The following C9orf85 variants were observed in gnomAD, a reference collection of about 807,000 sequenced individuals.
C9orf85 encodes the protein uncharacterized protein C9orf85.
In C9orf85, 16 loss-of-function variants were observed where a neutral mutation model predicts 14.9. The observed-to-expected ratio is 1.08, with a 90% CI of 0.73 to 1.63. C9orf85 has a LOEUF of 1.63. Ranked by LOEUF, C9orf85 falls within the 40% of genes most tolerant of loss-of-function variation. The pLI is 0.00. For missense variants in C9orf85, 172 were observed against 186.1 expected, an observed-to-expected ratio of 0.92 and a Z score of 0.44; for synonymous variants, 45 against 56.8, an observed-to-expected ratio of 0.79 and a Z score of 0.93.
chr9:71,963,583 G>A (rs1170999904), intron 2 of C9orf85, among the ~76,000 whole-genome samples: 3 of 152,222 alleles, frequency 2.0e-5, no homozygotes, highest in Non-Finnish European at 4.4e-5. Context: ...GGCGCTTGCG[G>A]GCCAGCTGGA....
At chr9:71,974,332 C>T (rs1320763821), downstream of C9orf85, among the ~76,000 whole-genome samples, 1 of 151,662 alleles carries the variant, frequency 6.6e-6, no homozygotes, top group Non-Finnish European at 1.5e-5. Context: ...CAGCCTCCAC[C>T]TCCCGGGTTC....
In C9orf85 at chr9:71,973,004, G is replaced by T. The variant is rs558293098; in HGVS notation, c.*162G>T. The T allele has an allele frequency of 1.0e-5, 4 of 383,340 alleles. No homozygotes were observed. The highest frequency in any genetic ancestry group is 8.9e-4 in the Middle Eastern group (1 of 1,124). 23.7% of individuals were successfully genotyped at this position (383,340 alleles called of 1,614,324 possible). A position where few individuals can be genotyped will look rare whatever the true frequency, so the allele number is the denominator to read the frequency against. On this transcript the variant is annotated 3_prime_UTR_variant, in exon 4 of 4. Transcript: ENST00000334731. ...ACTAAAAGTACAAAAAATTAGCTGGGCGTGGTGGCTCATGCCTGTAATCCC... is the reference window on the plus strand; with the variant it reads ...ACTAAAAGTACAAAAAATTAGCTGGTCGTGGTGGCTCATGCCTGTAATCCC...
chr9:71,930,260 A>T (rs1828039427), intron 1 of C9orf85, among the ~76,000 whole-genome samples: 1 of 152,126 alleles, frequency 6.6e-6, no homozygotes, highest in South Asian at 2.1e-4. Flanking sequence ...AAGAACATTG[A>T]CCAGAAACAT....
intron 1 of C9orf85, among the ~76,000 whole-genome samples, chr9:71,937,619 A>G (rs1481971962): frequency 4.6e-5 from 7 of 152,198 alleles, no homozygotes; most frequent in Non-Finnish European, 5.9e-5. Flanking sequence ...TTTCTAGTAT[A>G]TACTTTCACT....
chr9:71,980,880 C>T (rs1375394134), intron 3 of C9orf85, among the ~76,000 whole-genome samples: 1 of 152,192 alleles, frequency 6.6e-6, no homozygotes, highest in Non-Finnish European at 1.5e-5. Context: ...ACAAGACTTA[C>T]TGAAACAAAC....
intron 2 of C9orf85, among the ~76,000 whole-genome samples, chr9:71,950,601 A>G (rs1822219836): frequency 6.6e-6 from 1 of 152,098 alleles, no homozygotes; most frequent in Non-Finnish European, 1.5e-5. Flanking sequence ...TGAACTCTTG[A>G]CCTCATGATC....
intron 2 of C9orf85, among the ~76,000 whole-genome samples, chr9:71,959,364 C>G (rs1015646013): frequency 6.6e-6 from 1 of 151,886 alleles, no homozygotes; most frequent in South Asian, 2.1e-4. Flanking sequence ...CTCAAACTCC[C>G]GACCTCAGAT....
chr9:71,978,825 A>G (rs1296864806), intron 3 of C9orf85, among the ~76,000 whole-genome samples: 1 of 152,174 alleles, frequency 6.6e-6, no homozygotes, highest in African/African-American at 2.4e-5. Context: ...CACAAGGTCA[A>G]GAGATCTAGA....
chr9:71,984,580 G>T (rs1823175204), downstream of C9orf85: 1 of 152,298 alleles, frequency 6.6e-6, no homozygotes, highest in Non-Finnish European at 1.5e-5. Context: ...AGCAGGCAAA[G>T]GTCCAAGCTG....
chr9:71,974,440 C>T (rs1052048301), downstream of C9orf85, among the ~76,000 whole-genome samples: 5 of 151,922 alleles, frequency 3.3e-5, no homozygotes, highest in Admixed American at 1.3e-4. Flanking sequence ...GACGAAGTTT[C>T]ACCATGTTGG....
chr9:71,922,855 C>T (rs1298167163), intron 1 of C9orf85, among the ~76,000 whole-genome samples: 3 of 152,020 alleles, frequency 2.0e-5, no homozygotes, highest in African/African-American at 7.3e-5. Context: ...CTGGGCCAGG[C>T]GTCATGGCTC....
At chr9:71,977,650 C>T (rs1313433015), downstream of C9orf85, among the ~76,000 whole-genome samples, 1 of 152,198 alleles carries the variant, frequency 6.6e-6, no homozygotes, top group East Asian at 1.9e-4. Flanking sequence ...ACCTTTAACA[C>T]ATCTTTGTCC....
downstream of C9orf85, among the ~76,000 whole-genome samples, chr9:71,975,584 G>A (rs748402803): frequency 6.6e-5 from 10 of 152,204 alleles, no homozygotes; most frequent in Non-Finnish European, 1.3e-4. Context: ...TGTAATCCTA[G>A]CACTTTTGGA....
At chr9:71,915,621 G>A (rs1239621459) in intron 1 of C9orf85, among the ~76,000 whole-genome samples, 2 of 152,180 alleles carry the variant, frequency 1.3e-5, no homozygotes, top group African/African-American at 4.8e-5. Flanking sequence ...TGAAACAATA[G>A]AGAAGTATAT....
At chr9:71,983,433 A>G (rs1028986301), downstream of C9orf85, 6 of 152,256 alleles carry the variant, frequency 3.9e-5, no homozygotes, top group Admixed American at 1.3e-4. Context: ...TATTCTAGAT[A>G]CAAGTCCTTT....
chr9:71,925,061 T>TA (rs920174221), intron 1 of C9orf85, among the ~76,000 whole-genome samples: 31 of 151,906 alleles, frequency 2.0e-4, no homozygotes, highest in African/African-American at 7.0e-4. Context: ...CTTAGTATAT[T>TA]AAAAAAAAAT....
chr9:71,939,342 A>C (rs1828274940), intron 1 of C9orf85, among the ~76,000 whole-genome samples: 2 of 152,082 alleles, frequency 1.3e-5, no homozygotes, highest in African/African-American at 4.8e-5. Flanking sequence ...ACATTGGAAA[A>C]AAAAATCCAA....
rs375063694 is a variant in C9orf85, at chr9:71,971,663, T to C, written c.323+45T>C. 4.6e-6 allele frequency: 6 copies of C among 1,291,178 alleles called. No homozygotes were observed. In the African/African-American group the frequency reaches 7.3e-5, roughly 16 times the overall value. 80.0% of individuals were successfully genotyped at this position (1,291,178 alleles called of 1,614,324 possible). ...TTTGAATTTTACTCTTAGTGATTGA[T>C]ACATGAATTTCTTTTAAGAGATGAT... On this transcript the variant is annotated intron_variant, in intron 3 of 3. Transcript: ENST00000334731.
intron 2 of C9orf85, among the ~76,000 whole-genome samples, chr9:71,964,221 C>G (rs368404378): frequency 5.9e-5 from 9 of 152,100 alleles, no homozygotes; most frequent in Admixed American, 2.0e-4. Flanking sequence ...GGATTGTAAA[C>G]GCACCAGTCA....
Sources: gnomAD v4.1 joint callset for allele counts (sites outside exome capture counted in the v4.1 genomes callset) on GRCh38, gnomAD v4.1.1 for gene constraint, MANE v1.5 for transcripts, NCBI Gene and HGNC (gene_info 2026-07-23, HGNC 2026-07-21) for gene names.